Variants in ST3GAL3 observed in about 807,000 individuals in gnomAD.
ST3GAL3 encodes ST3 beta-galactoside alpha-2,3-sialyltransferase 3.
A neutral mutation model predicts 50.1 loss-of-function variants in ST3GAL3; 21 were observed. That is an observed-to-expected ratio of 0.42 (90% CI 0.30 to 0.60). The LOEUF is 0.60. Among genes scored for constraint, ST3GAL3 ranks in the 20% least tolerant of loss-of-function variants. The pLI is 0.19. For synonymous variants in ST3GAL3, 183 were observed against 190.0 expected, an observed-to-expected ratio of 0.96 and a Z score of 0.30; for missense variants, 353 against 489.4, an observed-to-expected ratio of 0.72 and a Z score of 2.63.
At chr1:43,884,810 AC>A (rs1047324451) in intron 5 of ST3GAL3, among the ~76,000 whole-genome samples, 5 of 152,186 alleles carry the variant, frequency 3.3e-5, no homozygotes, top group African/African-American at 1.2e-4. Flanking sequence ...CCAACCAGGC[AC>A]AGATGTCAAG....
At chr1:43,712,410 T>C (rs1665232474) in intron 1 of ST3GAL3, among the ~76,000 whole-genome samples, 1 of 152,212 alleles carries the variant, frequency 6.6e-6, no homozygotes, top group South Asian at 2.1e-4. Flanking sequence ...TCTCTCCTAC[T>C]AGACCAGGTG....
At chr1:43,818,100 A>C (rs991114821) in intron 4 of ST3GAL3, among the ~76,000 whole-genome samples, 1 of 152,082 alleles carries the variant, frequency 6.6e-6, no homozygotes, top group African/African-American at 2.4e-5. Flanking sequence ...TTATCTCTTT[A>C]AATATTCCCT....
At chr1:43,813,112 G>T (rs2060761230) in intron 3 of ST3GAL3, among the ~76,000 whole-genome samples, 1 of 152,064 alleles carries the variant, frequency 6.6e-6, no homozygotes. Flanking sequence ...CTCTTGCTTG[G>T]CCCCTGACAT....
In ST3GAL3 at chr1:43,869,594, A is replaced by T. The variant is rs145933589; in HGVS notation, c.303-24789A>T. Among the ~76,000 whole-genome samples, 505 of 146,894 alleles carry T rather than the reference A, an allele frequency of 3.4e-3. 7 individuals are homozygous for T. Among genetic ancestry groups the T allele is most frequent in the African/African-American group, 0.012 (493 of 39,734 alleles). On this transcript the variant is annotated intron_variant, in intron 5 of 11. Transcript: ENST00000347631. ...CACCCAAAAGATGGTATTTTCTTCAATGGTCATGTCCCACTGACCATAAGC... is the reference window on the plus strand; with the variant it reads ...CACCCAAAAGATGGTATTTTCTTCATTGGTCATGTCCCACTGACCATAAGC...
intron 2 of ST3GAL3, among the ~76,000 whole-genome samples, chr1:43,739,665 T>C (rs1024353271): frequency 1.3e-5 from 2 of 152,226 alleles, no homozygotes; most frequent in African/African-American, 4.8e-5. Context: ...ACAACAATTA[T>C]TATAATATAC....
chr1:43,904,345 G>A (rs1487714517), intron 9 of ST3GAL3, among the ~76,000 whole-genome samples: 2 of 152,058 alleles, frequency 1.3e-5, no homozygotes, highest in Non-Finnish European at 2.9e-5. Context: ...TCTGTCCTGG[G>A]AGACTCAGTG....
chr1:43,882,974 TA>T (rs58445720), intron 5 of ST3GAL3, among the ~76,000 whole-genome samples: 9,520 of 55,166 alleles, frequency 0.17, 1,042 homozygotes, highest in African/African-American at 0.28. Flanking sequence ...TTTATTTATT[TA>T]TTTAGAGACA....
chr1:43,838,505 C>A, intron 5 of ST3GAL3, 194 bp downstream of exon 5: 1 of 599,122 alleles, frequency 1.7e-6, no homozygotes, highest in Non-Finnish European at 3.1e-6. Context: ...TCCCATCCTG[C>A]CTCTGGAGCT....
At chr1:43,885,981 G>A (rs1476852865) in intron 5 of ST3GAL3, among the ~76,000 whole-genome samples, 1 of 152,198 alleles carries the variant, frequency 6.6e-6, no homozygotes, top group Non-Finnish European at 1.5e-5. Flanking sequence ...TAGATAGGAG[G>A]AATAAATTCT....
intron 2 of ST3GAL3, among the ~76,000 whole-genome samples, chr1:43,758,159 A>ACCCCC (rs1355144849): frequency 7.6e-6 from 1 of 131,386 alleles, no homozygotes; most frequent in African/African-American, 2.8e-5. Context: ...TTGGCTGCAT[A>ACCCCC]CCACCCCCCC....
intron 2 of ST3GAL3, chr1:43,772,185 G>C: frequency 2.5e-6 from 1 of 394,796 alleles, no homozygotes; most frequent in South Asian, 1.4e-4. Flanking sequence ...CAGTAGCTGG[G>C]ATTACAGGCA....
At chr1:43,769,595 C>A (rs2154130709) in intron 2 of ST3GAL3, among the ~76,000 whole-genome samples, 1 of 152,138 alleles carries the variant, frequency 6.6e-6, no homozygotes, top group East Asian at 1.9e-4. Context: ...GAAAGAGAAG[C>A]AAAGGAAAGG....
rs564655592 is a variant in ST3GAL3, at chr1:43,734,117, T to TA, written c.-30-2107dup. On this transcript the variant is annotated intron_variant, in intron 1 of 11. Transcript: ENST00000347631. ...CAGAGGGAAACTCCATCTCGGGGGGTAAAAAAAAAGAACCTCCTTTGTCTC... is the reference window on the plus strand; with the variant it reads ...CAGAGGGAAACTCCATCTCGGGGGGTAAAAAAAAAAGAACCTCCTTTGTCTC... Among the ~76,000 whole-genome samples the TA allele has an allele frequency of 3.9e-3, 588 of 150,222 alleles. 5 individuals carry two copies. The highest frequency in any genetic ancestry group is 0.013 in the African/African-American group (549 of 41,060).
intron 11 of ST3GAL3, chr1:43,922,059 T>C (rs2083121491): frequency 8.1e-6 from 2 of 247,378 alleles, no homozygotes. Context: ...TCATCAATTC[T>C]GATCTACGCC....
intron 5 of ST3GAL3, 116 bp downstream of exon 5, chr1:43,838,427 CTGG>C: frequency 2.1e-6 from 2 of 973,654 alleles, no homozygotes; most frequent in Non-Finnish European, 3.3e-6. Context: ...CCATGGGTTC[CTGG>C]AAAGGACTCT....
chr1:43,880,302 C>T (rs1208021530), intron 5 of ST3GAL3, among the ~76,000 whole-genome samples: 1 of 152,228 alleles, frequency 6.6e-6, no homozygotes, highest in East Asian at 1.9e-4. Flanking sequence ...TACACCCTCA[C>T]ACTACAACCC....
At chr1:43,879,047 A>G (rs1467038452) in intron 5 of ST3GAL3, 1 of 456,306 alleles carries the variant, frequency 2.2e-6, no homozygotes. Context: ...AGAAGATGAC[A>G]TGTTAGAGAA....
intron 5 of ST3GAL3, among the ~76,000 whole-genome samples, chr1:43,861,805 G>T (rs1397414008): frequency 1.3e-5 from 2 of 152,180 alleles, no homozygotes; most frequent in African/African-American, 4.8e-5. Flanking sequence ...AGGGCAGGCG[G>T]ATCACCTGAA....
chr1:43,825,028 G>C, intron 4 of ST3GAL3: 1 of 679,230 alleles, frequency 1.5e-6, no homozygotes, highest in Non-Finnish European at 2.7e-6. Flanking sequence ...ATGTCTATGT[G>C]TGATGATTCA....
Sources: gnomAD v4.1 joint callset for allele counts (sites outside exome capture counted in the v4.1 genomes callset) on GRCh38, gnomAD v4.1.1 for gene constraint, MANE v1.5 for transcripts, NCBI Gene and HGNC (gene_info 2026-07-23, HGNC 2026-07-21) for gene names.